LRP1: variants seen among roughly 807,000 people sequenced by gnomAD.
LRP1 encodes the protein prolow-density lipoprotein receptor-related protein 1.
Under a neutral mutation model 541.5 loss-of-function variants are expected in LRP1, and 51 were observed. That is an observed-to-expected ratio of 0.09 (90% CI 0.08 to 0.12). LRP1 has a LOEUF of 0.12. Ranked by LOEUF, LRP1 falls within the 10% of genes least tolerant of loss-of-function variation. The probability of loss-of-function intolerance (pLI) is 1.00; values close to 1 mark genes in which losing one functional copy is unlikely to be tolerated. For missense variants in LRP1, 3,878 were observed against 6,376.2 expected, an observed-to-expected ratio of 0.61 and a Z score of 13.34; for synonymous variants, 2,219 against 2,470.8, an observed-to-expected ratio of 0.90 and a Z score of 3.02.
chr12:57,142,285 C>G (rs1005431810), intron 3 of LRP1, among the ~76,000 whole-genome samples: 3 of 152,162 alleles, frequency 2.0e-5, no homozygotes, highest in Non-Finnish European at 4.4e-5. Context: ...GGTCTGGGCC[C>G]GGAGCAAGAG....
chr12:57,192,827 C>T lies in LRP1; in HGVS notation c.7430-18C>T. ...AGAGAACACTCTCCAGCCCTGCGCC[C>T]ACCCTGTCCCTGCTCAGGTGAACTC... On this transcript the variant is annotated intron_variant, in intron 44 of 88. Coordinates refer to ENST00000243077, the MANE Select transcript of LRP1 (RefSeq NM_002332.3). 2 of 1,613,994 alleles carry T rather than the reference C, an allele frequency of 1.2e-6. No individual in the cohort carries two copies. The highest frequency in any genetic ancestry group is 1.7e-6 in the Non-Finnish European group (2 of 1,180,014).
chr12:57,196,392 G>A (rs1479662999), intron 55 of LRP1, 115 bp downstream of exon 55: 2 of 1,071,348 alleles, frequency 1.9e-6, no homozygotes, highest in African/African-American at 3.2e-5. Flanking sequence ...CAGTGAATGA[G>A]ACAGAAATCT....
chr12:57,148,421 G>A (rs1479801596), intron 6 of LRP1, among the ~76,000 whole-genome samples: 1 of 152,096 alleles, frequency 6.6e-6, no homozygotes, highest in Non-Finnish European at 1.5e-5. Context: ...TAGTCCCTTA[G>A]TCAGGAACCA....
chr12:57,210,744 G>A lies in LRP1; in HGVS notation c.12781G>A (p.Gly4261Ser), dbSNP rs1196037877. ...SGMPTCRCPT[G>S]FTGPKCTQQV... The stretch of plus-strand genomic sequence containing the variant: ...CATGCCCACGTGCCGGTGCCCCACG[G>A]GCTTCACGGGCCCCAAATGCACCCA... Residue 4261 changes from glycine (G) to serine (S), a missense_variant, in exon 83 of 89, where the codon GGC becomes AGC. Gly to Ser is a moderately conservative substitution (Grantham distance 56). Coordinates refer to ENST00000243077, the MANE Select transcript of LRP1 (RefSeq NM_002332.3). 6.2e-7 allele frequency: 1 copy of A among 1,611,508 alleles called. No homozygotes were observed. Among genetic ancestry groups the A allele is most frequent in the Non-Finnish European group, 8.5e-7 (1 of 1,178,206 alleles).
In LRP1 at chr12:57,200,759, C is replaced by T. The variant is rs1442417859; in HGVS notation, c.10169C>T (p.Ala3390Val). Residue 3390 changes from alanine (A) to valine (V), a missense_variant, in exon 64 of 89, where the codon GCC becomes GTC. Around this residue, in one of 13 missense-constraint regions of LRP1, gnomAD observed 278 missense variants for 536.3 expected, o/e 0.52. Coordinates refer to ENST00000243077, the MANE Select transcript of LRP1 (RefSeq NM_002332.3). ...QCSTGICTNP[A>V]FICDGDNDCQ... ...TCCACAGGTATCTGCACAAACCCTG[C>T]CTTCATCTGCGATGGCGACAATGAC... 1 of 1,614,026 alleles carries T rather than the reference C, an allele frequency of 6.2e-7. No homozygotes were observed. The highest frequency in any genetic ancestry group is 2.2e-5 in the East Asian group (1 of 44,892).
At position 57,180,134 on chromosome 12, in the gene LRP1, C is replaced by A; in HGVS notation, c.5229C>A (p.Gly1743=). Residue 1743 remains glycine, a synonymous_variant, in exon 31 of 89, where the codon GGC becomes GGA. Transcript: ENST00000243077. The stretch of plus-strand genomic sequence containing the variant: ...CCCTGCTCTTCAGTGGCCAGAAGGG[C>A]CCCGTGGGTACGAGCTTCCCTGCCC... ...NRTLLFSGQK[G]PVGLAIDFPE... is the part of the protein sequence containing the mutation. 6.2e-7 allele frequency: 1 copy of A among 1,613,592 alleles called. No individual in the cohort carries two copies. Among genetic ancestry groups the A allele is most frequent in the South Asian group, 1.1e-5 (1 of 91,084 alleles).
At chr12:57,182,542 G>C (rs1200480597) in intron 34 of LRP1, among the ~76,000 whole-genome samples, 2 of 149,286 alleles carry the variant, frequency 1.3e-5, no homozygotes, top group Admixed American at 1.3e-4. Flanking sequence ...AAAGAGCCAG[G>C]TGCGTGGCTC....
At chr12:57,153,091 C>A (rs529079131) in intron 6 of LRP1, among the ~76,000 whole-genome samples, 14 of 152,284 alleles carry the variant, frequency 9.2e-5, no homozygotes, top group African/African-American at 3.1e-4. Flanking sequence ...CCAAAGATTT[C>A]TTTACTTGTT....
intron 77 of LRP1, 195 bp from the exon 78 acceptor site, chr12:57,208,516 A>G (rs1485471185): frequency 1.7e-6 from 1 of 591,422 alleles, no homozygotes; most frequent in African/African-American, 1.9e-5. Context: ...CTGAATGAGC[A>G]CACTGTGGTT....
chr12:57,192,654 A>G (rs2036438490), intron 44 of LRP1, among the ~76,000 whole-genome samples, 191 bp from the exon 45 acceptor site: 1 of 152,240 alleles, frequency 6.6e-6, no homozygotes. Context: ...CACCTGCCGA[A>G]AACCCCATGC....
chr12:57,200,463 T>C lies in LRP1; in HGVS notation c.10036T>C (p.Cys3346Arg). ...ASQFVCKNDK[C>R]IPFWWKCDTE... Reference sequence around the variant, plus strand: ...CCAGTTTGTATGCAAGAACGACAAGTGCATCCCCTTCTGGTGGAAGTGTGA... The same window carrying C: ...CCAGTTTGTATGCAAGAACGACAAGCGCATCCCCTTCTGGTGGAAGTGTGA... Residue 3346 changes from cysteine (C) to arginine (R), a missense_variant, in exon 63 of 89, where the codon TGC becomes CGC. Coordinates refer to ENST00000243077, the MANE Select transcript of LRP1 (RefSeq NM_002332.3). The C allele has an allele frequency of 6.2e-7, 1 of 1,610,558 alleles. No individual in the cohort carries two copies.
chr12:57,171,429 G>A (rs941371272), intron 20 of LRP1, among the ~76,000 whole-genome samples: 5 of 152,178 alleles, frequency 3.3e-5, no homozygotes, highest in African/African-American at 1.2e-4. Flanking sequence ...GAGCACTTCC[G>A]TAGGGTGACA....
chr12:57,192,802 A>G, intron 44 of LRP1, 43 bp from the exon 45 acceptor site: 1 of 1,613,364 alleles, frequency 6.2e-7, no homozygotes, highest in Non-Finnish European at 8.5e-7. Flanking sequence ...CATGCACAGC[A>G]GAGAACACTC....
chr12:57,169,183 C>T lies in LRP1; in HGVS notation c.3039C>T (p.His1013=). 6.2e-7 allele frequency: 1 copy of T among 1,613,826 alleles called. No homozygotes were observed. Among genetic ancestry groups the T allele is most frequent in the Non-Finnish European group, 8.5e-7 (1 of 1,179,760 alleles). ...ACAGTGACGAAGCCGGCTGCAGCCA[C>T]TCCTGTTCTAGCACCCAGTTCAAGT... is the stretch of plus-strand genomic sequence containing the variant. ...GDNSDEAGCS[H]SCSSTQFKCN... Residue 1013 remains histidine, a synonymous_variant, in exon 20 of 89, where the codon CAC becomes CAT. Coordinates refer to ENST00000243077, the MANE Select transcript of LRP1 (RefSeq NM_002332.3).
intron 82 of LRP1, 74 bp from the exon 83 acceptor site, chr12:57,210,644 C>T (rs2036890645): frequency 6.5e-7 from 1 of 1,533,356 alleles, no homozygotes; most frequent in South Asian, 1.2e-5. Flanking sequence ...CCAGGTCCCC[C>T]CAGCCCATTC....
At position 57,211,668 on chromosome 12, in the gene LRP1, A is replaced by AGGGGGGGGGGGGGGGGGGGGGGGGG; in HGVS notation, c.13193+81_13194-80insGGGGGGGGGGGGGGGGGGGGGGGGG. ...TTGAGCAGGAGGACCGTCAGGCCTC[A>AGGGGGGGGGGGGGGGGGGGGGGGGG]GTGCCCACCCCCCGCCCTGTTTTCC... On this transcript the variant is annotated intron_variant, in intron 85 of 88. Coordinates refer to ENST00000243077, the MANE Select transcript of LRP1 (RefSeq NM_002332.3). The surrounding 1 kb of genome is among the most constrained non-coding windows in gnomAD (Gnocchi z 4.3). 1 of 1,552,994 alleles carries AGGGGGGGGGGGGGGGGGGGGGGGGG rather than the reference A, an allele frequency of 6.4e-7. No individual in the cohort carries two copies. Among genetic ancestry groups the AGGGGGGGGGGGGGGGGGGGGGGGGG allele is most frequent in the Non-Finnish European group, 8.9e-7 (1 of 1,126,282 alleles).
intron 2 of LRP1, 34 bp from the exon 3 acceptor site, chr12:57,141,340 G>A: frequency 1.2e-6 from 2 of 1,613,538 alleles, no homozygotes; most frequent in Non-Finnish European, 1.7e-6. Flanking sequence ...ACCATAGCCA[G>A]CTTGTTCATG....
intron 3 of LRP1, 62 bp downstream of exon 3, chr12:57,141,573 C>T (rs1284155511): frequency 8.7e-6 from 14 of 1,601,164 alleles, no homozygotes; most frequent in Admixed American, 8.4e-5. Flanking sequence ...GCCCACCTTC[C>T]GAGGACTGTC....
Position 57,201,498 on chromosome 12 carries a change from C to A in LRP1, c.10347C>A (p.Pro3449=). 1 of 1,610,906 alleles carries A rather than the reference C, an allele frequency of 6.2e-7. No individual in the cohort carries two copies. Among genetic ancestry groups the A allele is most frequent in the South Asian group, 1.1e-5 (1 of 90,758 alleles). Residue 3449 remains proline (P), a splice_region_variant and synonymous_variant, in exon 66 of 89, where the codon CCC becomes CCA. Transcript: ENST00000243077. This position sits in a 1 kb window ranked among gnomAD's most constrained non-coding sequence, Gnocchi z 6.4. ...CTCATTCTCTTGCCCACCCCACAGC[C>A]GAGGTGACCTGCGCCCCCAACCAGT... ...CGDGEDERDC[P]EVTCAPNQFQ...
Sources: gnomAD v4.1 joint callset for allele counts (sites outside exome capture counted in the v4.1 genomes callset) on GRCh38, gnomAD v4.1.1 for gene constraint, gnomAD v4.1.1 regional missense constraint, Gnocchi (gnomAD v3.1) non-coding constraint, MANE v1.5 for transcripts, NCBI Gene and HGNC (gene_info 2026-07-23, HGNC 2026-07-21) for gene names.